The following DYRK4 variants were observed in gnomAD, a reference collection of about 807,000 sequenced individuals.
The protein encoded by DYRK4 is dual specificity tyrosine phosphorylation regulated kinase 4.
In DYRK4, 64 loss-of-function variants were observed where a neutral mutation model predicts 68.3. The observed-to-expected ratio is 0.94, with a 90% CI of 0.77 to 1.15. DYRK4 has a LOEUF of 1.15. Ranked by LOEUF, DYRK4 falls within the 50% of genes most tolerant of loss-of-function variation. The pLI is 0.00. For synonymous variants in DYRK4, 274 were observed against 289.9 expected (o/e 0.95, Z 0.56); for missense variants, 740 against 764.7 (o/e 0.97, Z 0.38).
At chr12:4,565,165 G>T (rs1208026881) in intron 1 of DYRK4, among the ~76,000 whole-genome samples, 1 of 152,188 alleles carries the variant, frequency 6.6e-6, no homozygotes, top group Non-Finnish European at 1.5e-5. Context: ...TTTCCACATA[G>T]CTCACCACAT....
chr12:4,594,731 G>A (rs573506537), intron 6 of DYRK4, among the ~76,000 whole-genome samples: 36 of 150,512 alleles, frequency 2.4e-4, no homozygotes, highest in South Asian at 6.3e-4. Flanking sequence ...TGGTGAGGGC[G>A]TTGTGGGGAA....
At position 4,602,276 on chromosome 12, in the gene DYRK4, C is replaced by T. The variant is rs966476248; in HGVS notation, c.1126+2488C>T. The T allele has an allele frequency of 3.8e-6, 4 of 1,064,410 alleles. No individual in the cohort carries two copies. In the African/African-American group the frequency reaches 6.2e-5, roughly 17 times the overall value. 65.9% of individuals were successfully genotyped at this position (1,064,410 alleles called of 1,614,324 possible). A position where few individuals can be genotyped will look rare whatever the true frequency, so the allele number is the denominator to read the frequency against. ...TGCTCTCTTTTCTTTTGCAACCATG[C>T]TTTAAATACTATGCCATTCTCCCTC... On this transcript the variant is annotated intron_variant, in intron 10 of 14. Coordinates refer to ENST00000543431, the MANE Select transcript of DYRK4 (RefSeq NM_001394779.1).
At chr12:4,602,130 T>C in intron 10 of DYRK4, 1 of 591,496 alleles carries the variant, frequency 1.7e-6, no homozygotes, top group Non-Finnish European at 3.1e-6. Flanking sequence ...CCAGACTCCC[T>C]TTTGTAATTA....
At chr12:4,598,935 G>A (rs181677072) in intron 8 of DYRK4, 93 bp from the exon 9 acceptor site, 117 of 1,455,938 alleles carry the variant, frequency 8.0e-5, no homozygotes, top group Middle Eastern at 2.3e-4. Flanking sequence ...GCTACTAGAC[G>A]GAAACCAGGT....
chr12:4,586,481 C>A (rs1031112911), intron 2 of DYRK4, among the ~76,000 whole-genome samples: 32 of 152,258 alleles, frequency 2.1e-4, no homozygotes, highest in African/African-American at 7.2e-4. Flanking sequence ...AGAGCACACC[C>A]GCTTCCTTTT....
At chr12:4,610,753 G>C (rs10774247) in intron 13 of DYRK4, among the ~76,000 whole-genome samples, 126,119 of 152,188 alleles carry the variant, frequency 0.83, 55,155 homozygotes, top group Non-Finnish European at 0.97. Context: ...TACCCAAATC[G>C]TCTTATATTA....
At chr12:4,564,345 CTT>C (rs1433754023) in intron 1 of DYRK4, 2 of 151,712 alleles carry the variant, frequency 1.3e-5, no homozygotes, top group Non-Finnish European at 2.9e-5. Context: ...ATGAATGTAA[CTT>C]AAGTTCATTA....
chr12:4,574,335 TA>T (rs1944764872), intron 2 of DYRK4, among the ~76,000 whole-genome samples: 1 of 152,218 alleles, frequency 6.6e-6, no homozygotes, highest in Non-Finnish European at 1.5e-5. Context: ...TCTTGAGTTT[TA>T]CATCTATTAT....
chr12:4,604,840 A>C, intron 10 of DYRK4, 74 bp from the exon 11 acceptor site: 5 of 1,456,442 alleles, frequency 3.4e-6, no homozygotes, highest in Non-Finnish European at 4.6e-6. Flanking sequence ...CTAACTGAGA[A>C]GTTGTCCTGG....
In DYRK4 at chr12:4,590,406, A is replaced by T. The variant is rs1274364787; in HGVS notation, c.290A>T (p.Lys97Met). 1.3e-6 allele frequency: 2 copies of T among 1,535,918 alleles called. No individual in the cohort carries two copies. Among genetic ancestry groups the T allele is most frequent in the South Asian group, 2.4e-5 (2 of 84,042 alleles). ...KNTVSFPHIS[K>M]KVLLKSSLLY... ...ACGGTAAGCTTCCCACACATTAGCA[A>T]GAAAGTCCTGCTGAAGTCATCCCTG... The change falls in exon 4 of 15, where the codon AAG (lysine) becomes ATG (methionine). Residue 97 changes from lysine to methionine, a missense_variant. By Grantham distance (95) the Lys-to-Met change is moderately conservative. Coordinates refer to ENST00000543431, the MANE Select transcript of DYRK4 (RefSeq NM_001394779.1).
At chr12:4,603,563 T>C (rs1945105711) in intron 10 of DYRK4, 1 of 192,686 alleles carries the variant, frequency 5.2e-6, no homozygotes, top group Non-Finnish European at 1.1e-5. Context: ...CTTTCTAAGC[T>C]CTTCACATCG....
chr12:4,601,572 T>A (rs147521392), intron 10 of DYRK4, among the ~76,000 whole-genome samples: 151 of 152,258 alleles, frequency 9.9e-4, no homozygotes, highest in African/African-American at 3.4e-3. Flanking sequence ...GAAAAAAAAC[T>A]GAATAATGAA....
chr12:4,610,090 G>A (rs1454977065), intron 12 of DYRK4, 65 bp from the exon 13 acceptor site: 4 of 1,467,130 alleles, frequency 2.7e-6, no homozygotes, highest in Non-Finnish European at 3.6e-6. Context: ...ACTCTAAGCA[G>A]CAGCATCATG....
intron 1 of DYRK4, among the ~76,000 whole-genome samples, chr12:4,566,657 C>A (rs1252106295): frequency 6.6e-6 from 1 of 152,180 alleles, no homozygotes; most frequent in Non-Finnish European, 1.5e-5. Context: ...AGGGCAGAGA[C>A]CATGTCTGGT....
chr12:4,573,366 AGTTCCTTT>A, intron 2 of DYRK4: 1 of 1,289,594 alleles, frequency 7.8e-7, no homozygotes, highest in Non-Finnish European at 1.0e-6. Context: ...GGTAAGTACC[AGTTCCTTT>A]GTTCTGCGTG....
At chr12:4,566,447 T>C (rs951338792) in intron 1 of DYRK4, among the ~76,000 whole-genome samples, 1 of 152,242 alleles carries the variant, frequency 6.6e-6, no homozygotes, top group Non-Finnish European at 1.5e-5. Context: ...CACTCCTGCC[T>C]GCTCTGCTCA....
At chr12:4,586,547 C>G (rs1591794571) in intron 2 of DYRK4, among the ~76,000 whole-genome samples, 1 of 152,116 alleles carries the variant, frequency 6.6e-6, no homozygotes. Context: ...CTGTGTGCCT[C>G]TTGGGGAAGC....
chr12:4,568,000 C>G lies in DYRK4; in HGVS notation c.84C>G (p.Pro28=). Residue 28 remains proline (P), a synonymous_variant, in exon 2 of 15, where the codon CCC becomes CCG. Coordinates refer to ENST00000543431, the MANE Select transcript of DYRK4 (RefSeq NM_001394779.1). ...AKKPRKCDLT[P]FLVLKARKKQ... ...AGCCAAGGAAATGTGATTTGACTCC[C>G]TTCCTGGTTTTGAAAGCAAGAAAGA... 1 of 1,536,144 alleles carries G rather than the reference C, an allele frequency of 6.5e-7. No homozygotes were observed. Among genetic ancestry groups the G allele is most frequent in the Non-Finnish European group, 8.7e-7 (1 of 1,146,920 alleles).
At chr12:4,583,798 A>G (rs1034610460) in intron 2 of DYRK4, among the ~76,000 whole-genome samples, 12 of 152,202 alleles carry the variant, frequency 7.9e-5, no homozygotes, top group African/African-American at 2.9e-4. Context: ...AAGTAGTGTC[A>G]GGGAAGATGA....
Sources: gnomAD v4.1 joint callset for allele counts (sites outside exome capture counted in the v4.1 genomes callset) on GRCh38, gnomAD v4.1.1 for gene constraint, MANE v1.5 for transcripts, NCBI Gene and HGNC (gene_info 2026-07-23, HGNC 2026-07-21) for gene names.